RALGPS1: variants seen among roughly 807,000 people sequenced by gnomAD.
RALGPS1 encodes ras-specific guanine nucleotide-releasing factor RalGPS1.
In RALGPS1, 19 loss-of-function variants were observed where a neutral mutation model predicts 78.8. The ratio of observed to expected loss-of-function variants is 0.24; its 90% CI spans 0.17 to 0.35. The LOEUF is 0.35. Ranked by LOEUF, RALGPS1 falls within the 10% of genes least tolerant of loss-of-function variation. The pLI, the probability that RALGPS1 is intolerant of heterozygous loss-of-function variation, is 1.00. For synonymous variants in RALGPS1, 228 were observed against 256.3 expected, an observed-to-expected ratio of 0.89 and a Z score of 1.06; for missense variants, 454 against 688.3, an observed-to-expected ratio of 0.66 and a Z score of 3.81.
chr9:127,027,141 A>C (rs867192579), intron 4 of RALGPS1, among the ~76,000 whole-genome samples: 1 of 152,118 alleles, frequency 6.6e-6, no homozygotes, highest in Non-Finnish European at 1.5e-5. Context: ...TTTAATCAAA[A>C]TCCGTGCTGA....
intron 2 of RALGPS1, among the ~76,000 whole-genome samples, chr9:126,963,143 A>G (rs751374762): frequency 1.3e-5 from 2 of 152,312 alleles, no homozygotes; most frequent in South Asian, 4.1e-4. Flanking sequence ...ATCATCACCA[A>G]TGAATGTATT....
At chr9:127,137,748 G>A (rs572857143) in intron 8 of RALGPS1, among the ~76,000 whole-genome samples, 3 of 152,338 alleles carry the variant, frequency 2.0e-5, no homozygotes, top group African/African-American at 4.8e-5. Flanking sequence ...GATACATGGC[G>A]TGAGCAGATC....
At chr9:127,119,319 A>G (rs1473628473) in intron 8 of RALGPS1, among the ~76,000 whole-genome samples, 1 of 152,218 alleles carries the variant, frequency 6.6e-6, no homozygotes, top group Non-Finnish European at 1.5e-5. Context: ...CATGGTTTTC[A>G]GAGGGGTTGG....
intron 7 of RALGPS1, among the ~76,000 whole-genome samples, chr9:127,067,443 T>C (rs963152099): frequency 6.6e-6 from 1 of 152,222 alleles, no homozygotes; most frequent in Non-Finnish European, 1.5e-5. Flanking sequence ...TCCCAGAGGC[T>C]GAAGATGAAG....
intron 2 of RALGPS1, among the ~76,000 whole-genome samples, chr9:126,964,358 G>T (rs1335183785): frequency 7.9e-6 from 1 of 126,142 alleles, no homozygotes; most frequent in East Asian, 2.4e-4. Context: ...GACAGAGCGA[G>T]ACTCCCACTC....
intron 1 of RALGPS1, among the ~76,000 whole-genome samples, chr9:126,931,673 A>G (rs766296312): frequency 2.6e-5 from 4 of 152,196 alleles, no homozygotes; most frequent in Admixed American, 6.5e-5. Flanking sequence ...TTGTAGGGTG[A>G]TAAAATGTTC....
chr9:127,187,204 A>T (rs1346332365), intron 11 of RALGPS1, among the ~76,000 whole-genome samples: 2 of 152,158 alleles, frequency 1.3e-5, no homozygotes, highest in Non-Finnish European at 2.9e-5. Context: ...TGCATAATAG[A>T]TGCTAGTTCC....
chr9:127,108,105 C>T (rs545862218), intron 8 of RALGPS1: 38 of 1,612,598 alleles, frequency 2.4e-5, no homozygotes, highest in Middle Eastern at 1.7e-4. Flanking sequence ...CGGGCCTGGC[C>T]GAGGGCACCC....
intron 1 of RALGPS1, among the ~76,000 whole-genome samples, chr9:126,918,530 C>T (rs1467326069): frequency 1.3e-5 from 2 of 152,034 alleles, no homozygotes; most frequent in Non-Finnish European, 2.9e-5. Flanking sequence ...ACTATGTTGC[C>T]CAGGCTGGTC....
chr9:127,071,240 G>A (rs1013180295), intron 8 of RALGPS1, among the ~76,000 whole-genome samples: 15 of 151,544 alleles, frequency 9.9e-5, no homozygotes, highest in Admixed American at 6.6e-4. Flanking sequence ...TTGTCTATTG[G>A]TCTTTCCAAA....
chr9:126,965,036 A>G (rs967820632), intron 2 of RALGPS1, among the ~76,000 whole-genome samples: 3 of 152,228 alleles, frequency 2.0e-5, no homozygotes, highest in Non-Finnish European at 4.4e-5. Context: ...AAGTTAAATT[A>G]AAGAGAAAGT....
chr9:127,140,274 G>A (rs1440492351), intron 8 of RALGPS1, among the ~76,000 whole-genome samples: 1 of 152,210 alleles, frequency 6.6e-6, no homozygotes, highest in African/African-American at 2.4e-5. Context: ...TCTGGCTGAC[G>A]GATCAGATGG....
chr9:127,219,935 G>GA lies in RALGPS1; in HGVS notation c.*1167dup, dbSNP rs1333234764. On this transcript the variant is annotated 3_prime_UTR_variant, in exon 19 of 19. Transcript: ENST00000259351. The surrounding 1 kb of genome is among the most constrained non-coding windows in gnomAD (Gnocchi z 5.0). ...TTCCAAGTCCAAGGGCACAATTGTT[G>GA]ATGACCGTGTGACAATAGAGCGAAG... The GA allele has an allele frequency of 6.5e-6, 1 of 152,704 alleles. No individual in the cohort carries two copies. Among genetic ancestry groups the GA allele is most frequent in the Non-Finnish European group, 1.5e-5 (1 of 68,054 alleles). 9.5% of individuals were successfully genotyped at this position (152,704 alleles called of 1,614,324 possible). A position where few individuals can be genotyped will look rare whatever the true frequency, so the allele number is the denominator to read the frequency against.
chr9:127,049,400 A>G (rs1288781148), intron 5 of RALGPS1, among the ~76,000 whole-genome samples: 4 of 152,204 alleles, frequency 2.6e-5, no homozygotes, highest in African/African-American at 9.7e-5. Flanking sequence ...CTTCTGAACC[A>G]AAGCTACCAT....
At chr9:126,928,734 T>C (rs2035531330) in intron 1 of RALGPS1, among the ~76,000 whole-genome samples, 1 of 152,082 alleles carries the variant, frequency 6.6e-6, no homozygotes, top group African/African-American at 2.4e-5. Flanking sequence ...TCCAAGTAGC[T>C]GGGTTTACAG....
Position 127,195,233 on chromosome 9 carries a change from AG to A in RALGPS1, c.1037+17del, listed in dbSNP as rs759405925. The A allele has an allele frequency of 6.2e-7, 1 of 1,606,344 alleles. No individual in the cohort carries two copies. The highest frequency in any genetic ancestry group is 1.1e-5 in the South Asian group (1 of 91,076). ...TAGGCAACAAGTGGGTGACTGAGCA[AG>A]CCCTCCCGCCGGGCTTCAGACCGTC... On this transcript the variant is annotated intron_variant, in intron 12 of 18. Coordinates refer to ENST00000259351, the MANE Select transcript of RALGPS1 (RefSeq NM_014636.3).
At chr9:127,164,596 A>G (rs554908356) in intron 8 of RALGPS1, among the ~76,000 whole-genome samples, 2 of 127,944 alleles carry the variant, frequency 1.6e-5, no homozygotes. Context: ...CTGGAGTGCA[A>G]TGGCATGATC....
At chr9:126,917,679 C>T (rs1456297593) in intron 1 of RALGPS1, among the ~76,000 whole-genome samples, 1 of 152,210 alleles carries the variant, frequency 6.6e-6, no homozygotes, top group African/African-American at 2.4e-5. Flanking sequence ...ACCTGATCCA[C>T]CTGGTTAGGG....
At position 127,088,920 on chromosome 9, in the gene RALGPS1, G is replaced by A. The variant is rs779388702; in HGVS notation, c.610+19564G>A. On this transcript the variant is annotated intron_variant, in intron 8 of 18. Transcript: ENST00000259351. ...GGGCTCCTGGCAATGGCCACGAGAG[G>A]TCAGGAGGGGGAGCTGGCTTAGTGG... is the stretch of plus-strand genomic sequence containing the variant. 3.1e-6 allele frequency: 5 copies of A among 1,614,090 alleles called. No individual in the cohort carries two copies. In the Admixed American group the frequency reaches 6.7e-5, roughly 22 times the overall value.
Sources: gnomAD v4.1 joint callset for allele counts (sites outside exome capture counted in the v4.1 genomes callset) on GRCh38, gnomAD v4.1.1 for gene constraint, Gnocchi (gnomAD v3.1) non-coding constraint, MANE v1.5 for transcripts, NCBI Gene and HGNC (gene_info 2026-07-23, HGNC 2026-07-21) for gene names.